The following PARD3B variants were observed in gnomAD, a reference collection of about 807,000 sequenced individuals.
PARD3B encodes par-3 family cell polarity regulator beta.
PARD3B carries 103 observed loss-of-function variants against 130.2 expected under a neutral mutation model. The ratio of observed to expected loss-of-function variants is 0.79; its 90% confidence interval spans 0.67 to 0.93. PARD3B has a LOEUF of 0.93. PARD3B is among the 40% of genes least tolerant of loss of function. PARD3B has a pLI of 0.00. For synonymous variants in PARD3B, 583 were observed against 553.2 expected (o/e 1.05, Z -0.76); for missense variants, 1,609 against 1,499.2 (o/e 1.07, Z -1.21).
chr2:204,678,935 A>G lies in PARD3B; in HGVS notation c.121-7246A>G, dbSNP rs764460426. 3.3e-5 allele frequency among the ~76,000 whole-genome samples: 5 copies of G among 152,278 alleles called. No homozygotes were observed. The highest frequency in any genetic ancestry group is 2.1e-4 in the South Asian group (1 of 4,820). ...AGAACATTGCCCTAGAAGCCGCTTC[A>G]TGCCTCTTTCTACTCACCACCCTTC... On this transcript the variant is annotated intron_variant, in intron 1 of 22. Transcript: ENST00000406610. The surrounding 1 kb of genome is among the most constrained non-coding windows in gnomAD (Gnocchi z 4.2).
intron 3 of PARD3B, among the ~76,000 whole-genome samples, chr2:205,018,445 C>G (rs1206864584): frequency 6.6e-6 from 1 of 152,020 alleles, no homozygotes; most frequent in African/African-American, 2.4e-5. Context: ...TATAGCAACC[C>G]TTCTGAACCT....
intron 15 of PARD3B, among the ~76,000 whole-genome samples, chr2:205,212,221 T>G (rs937151006): frequency 1.3e-5 from 2 of 152,052 alleles, no homozygotes; most frequent in Non-Finnish European, 2.9e-5. Flanking sequence ...GATTGGCGGT[T>G]TTAGTAGTGA....
intron 12 of PARD3B, among the ~76,000 whole-genome samples, chr2:205,173,869 C>T (rs2035312773): frequency 6.6e-6 from 1 of 152,140 alleles, no homozygotes; most frequent in African/African-American, 2.4e-5. Flanking sequence ...CCTAGGACTC[C>T]ATGGAACCCG....
intron 15 of PARD3B, among the ~76,000 whole-genome samples, chr2:205,238,558 G>A (rs1024038651): frequency 6.6e-6 from 1 of 152,008 alleles, no homozygotes; most frequent in Admixed American, 6.6e-5. Context: ...TGGGCTGGGT[G>A]CGGTGGCTTA....
intron 3 of PARD3B, among the ~76,000 whole-genome samples, chr2:204,976,906 T>TAGCC (rs1455287748): frequency 6.6e-6 from 1 of 151,962 alleles, no homozygotes; most frequent in Non-Finnish European, 1.5e-5. Context: ...CAGTCCCACC[T>TAGCC]AGCCATGCAA....
At chr2:204,761,771 G>T (rs932511651) in intron 2 of PARD3B, among the ~76,000 whole-genome samples, 5 of 151,746 alleles carry the variant, frequency 3.3e-5, no homozygotes, top group African/African-American at 1.2e-4. Context: ...CCTTTATTTT[G>T]GCTTTAATGA....
intron 21 of PARD3B, among the ~76,000 whole-genome samples, chr2:205,511,472 C>T (rs1268453745): frequency 1.3e-5 from 2 of 152,156 alleles, no homozygotes; most frequent in South Asian, 2.1e-4. Context: ...AAACCACAGC[C>T]GTTTGTGTTG....
rs908769205 is a variant in PARD3B at position 205,174,008 on chromosome 2, A to C, written c.1791+1627A>C. Among the ~76,000 whole-genome samples, 6 of 152,314 alleles carry C rather than the reference A, an allele frequency of 3.9e-5. No homozygotes were observed. The South Asian group carries it at 1.2e-3, about 32-fold the overall frequency. On this transcript the variant is annotated intron_variant, in intron 12 of 22. Transcript: ENST00000406610. ...CAACTAATAGAAGAGTCTAGAAAAA[A>C]CTGCTGTAGCATAACATACCTGTGC...
At chr2:204,558,822 T>C (rs1036746198) in intron 1 of PARD3B, among the ~76,000 whole-genome samples, 2 of 152,148 alleles carry the variant, frequency 1.3e-5, no homozygotes, top group African/African-American at 4.8e-5. Flanking sequence ...CAAAACAGTA[T>C]GGTACCGGTA....
At chr2:205,316,358 A>T (rs747251052) in intron 18 of PARD3B, among the ~76,000 whole-genome samples, 1 of 152,184 alleles carries the variant, frequency 6.6e-6, no homozygotes, top group Non-Finnish European at 1.5e-5. Context: ...ATGAGGTTAG[A>T]TATAAAAAAG....
At chr2:204,921,164 C>T (rs2125750989) in intron 2 of PARD3B, among the ~76,000 whole-genome samples, 1 of 152,288 alleles carries the variant, frequency 6.6e-6, no homozygotes, top group South Asian at 2.1e-4. Flanking sequence ...ACTATGTAAT[C>T]AGTGCTGGTT....
At chr2:204,652,806 G>A (rs1428198336) in intron 1 of PARD3B, among the ~76,000 whole-genome samples, 1 of 151,304 alleles carries the variant, frequency 6.6e-6, no homozygotes, top group African/African-American at 2.5e-5. Flanking sequence ...AGGACTCAGG[G>A]AACTTACAAC....
At chr2:204,969,843 G>A (rs539371203) in intron 3 of PARD3B, among the ~76,000 whole-genome samples, 1 of 152,228 alleles carries the variant, frequency 6.6e-6, no homozygotes, top group East Asian at 1.9e-4. Context: ...AGGAAATGGA[G>A]GTGGAGAAAA....
chr2:205,193,093 G>A (rs1043641356), intron 14 of PARD3B, 112 bp from the exon 15 acceptor site: 1 of 651,576 alleles, frequency 1.5e-6, no homozygotes, highest in Admixed American at 2.8e-5. Flanking sequence ...AAAATATGTG[G>A]TTGGGAGCTG....
At chr2:205,103,723 G>A in intron 4 of PARD3B, 1 of 985,418 alleles carries the variant, frequency 1.0e-6, no homozygotes, top group Non-Finnish European at 1.2e-6. Flanking sequence ...GGAAGCAGCA[G>A]CATCAGGCGT....
intron 1 of PARD3B, among the ~76,000 whole-genome samples, chr2:204,625,806 ATTCC>A (rs1261169743): frequency 2.0e-5 from 3 of 152,204 alleles, no homozygotes; most frequent in African/African-American, 4.8e-5. Flanking sequence ...TATAATGAAA[ATTCC>A]TTCCTTTTTG....
At chr2:205,453,285 C>T (rs1176851042) in intron 20 of PARD3B, among the ~76,000 whole-genome samples, 1 of 152,018 alleles carries the variant, frequency 6.6e-6, no homozygotes, top group Non-Finnish European at 1.5e-5. Flanking sequence ...CAAAGGCCCA[C>T]AGAGAAAACA....
rs2053723911 is a variant in PARD3B, at chr2:205,575,440, T to C, written c.3260+22037T>C. Among the ~76,000 whole-genome samples the C allele has an allele frequency of 6.6e-6, 1 of 152,058 alleles. No homozygotes were observed. Among genetic ancestry groups the C allele is most frequent in the Admixed American group, 6.6e-5 (1 of 15,258 alleles). On this transcript the variant is annotated intron_variant, in intron 22 of 22. Transcript: ENST00000406610. This position sits in a 1 kb window ranked among gnomAD's most constrained non-coding sequence, Gnocchi z 4.6. Reference sequence around the variant, plus strand: ...CTCGGTGTTGTTCATTCTGTGGGTTTGGACAAGTGTATAATGACATGTATG... The same window carrying C: ...CTCGGTGTTGTTCATTCTGTGGGTTCGGACAAGTGTATAATGACATGTATG...
At chr2:204,709,459 A>G (rs1296740201) in intron 2 of PARD3B, among the ~76,000 whole-genome samples, 4 of 152,246 alleles carry the variant, frequency 2.6e-5, no homozygotes, top group African/African-American at 9.6e-5. Flanking sequence ...GAACTTTAGT[A>G]TGAGCATATG....
Sources: allele counts gnomAD v4.1 joint callset (sites outside exome capture counted in the v4.1 genomes callset), GRCh38; gene constraint gnomAD v4.1.1; non-coding constraint Gnocchi (gnomAD v3.1); transcripts MANE v1.5; gene names NCBI Gene and HGNC (gene_info 2026-07-23, HGNC 2026-07-21).